Variants in EYS observed in about 807,000 individuals in gnomAD.
The protein encoded by EYS is EGF-like photoreceptor maintenance factor, also known as protein eyes shut homolog.
Under a neutral mutation model 282.1 loss-of-function variants are expected in EYS, and 250 were observed. The ratio of observed to expected loss-of-function variants is 0.89; its 90% confidence interval spans 0.80 to 0.98. The LOEUF (loss-of-function observed/expected upper bound fraction) is 0.98, where lower values mean the gene tolerates loss of function less well. Ranked by LOEUF, EYS falls within the 50% of genes least tolerant of loss-of-function variation. The pLI, the probability that EYS is intolerant of heterozygous loss-of-function variation, is 0.00. For synonymous variants in EYS, 1,355 were observed against 1,282.9 expected, an observed-to-expected ratio of 1.06 and a Z score of -1.20; for missense variants, 4,016 against 3,709.0, an observed-to-expected ratio of 1.08 and a Z score of -2.15.
intron 12 of EYS, among the ~76,000 whole-genome samples, chr6:65,273,730 C>T (rs555842379): frequency 6.6e-5 from 10 of 152,282 alleles, no homozygotes; most frequent in Middle Eastern, 3.4e-3. Context: ...CTATACGTTA[C>T]GTGACATATC....
chr6:64,679,765 C>A (rs1045520996), intron 22 of EYS, among the ~76,000 whole-genome samples: 1 of 151,934 alleles, frequency 6.6e-6, no homozygotes, highest in African/African-American at 2.4e-5. Flanking sequence ...ATTATTTTTT[C>A]TTTATTATGA....
intron 31 of EYS, among the ~76,000 whole-genome samples, chr6:64,150,502 C>A (rs61214581): frequency 1.3e-5 from 2 of 151,852 alleles, no homozygotes; most frequent in African/African-American, 2.4e-5. Context: ...AAATGTACTA[C>A]GAAATATTTT....
intron 1 of EYS, among the ~76,000 whole-genome samples, chr6:65,668,861 C>T (rs967622176): frequency 6.6e-6 from 1 of 151,886 alleles, no homozygotes; most frequent in African/African-American, 2.4e-5. Context: ...GTAGATTACG[C>T]TGCTTTAAGC....
chr6:64,523,997 G>T (rs1010522466), intron 26 of EYS, among the ~76,000 whole-genome samples: 14 of 151,426 alleles, frequency 9.2e-5, no homozygotes, highest in Admixed American at 1.3e-4. Context: ...CCAGTCTATG[G>T]TTTTACATTT....
At chr6:64,656,948 A>G (rs1768772548) in intron 22 of EYS, among the ~76,000 whole-genome samples, 1 of 152,262 alleles carries the variant, frequency 6.6e-6, no homozygotes, top group South Asian at 2.1e-4. Context: ...ATTTGCATCT[A>G]TTAAGATTAT....
intron 33 of EYS, among the ~76,000 whole-genome samples, chr6:64,036,556 A>G (rs1177196868): frequency 6.6e-6 from 1 of 152,168 alleles, no homozygotes; most frequent in Non-Finnish European, 1.5e-5. Flanking sequence ...AAGTAAGGAG[A>G]CCATTGAGGA....
intron 12 of EYS, among the ~76,000 whole-genome samples, chr6:65,263,738 T>TGG (rs1319308404): frequency 4.0e-5 from 6 of 150,766 alleles, no homozygotes; most frequent in Non-Finnish European, 7.4e-5. Flanking sequence ...TGTGTGTGTG[T>TGG]GTAATTTAAA....
chr6:65,298,331 C>T (rs1215521292), intron 11 of EYS, among the ~76,000 whole-genome samples: 1 of 151,966 alleles, frequency 6.6e-6, no homozygotes, highest in Non-Finnish European at 1.5e-5. Context: ...GCTGAAGTCT[C>T]TAATCTGAAC....
In EYS at chr6:65,457,138, TTTGTTGTTGTTG is replaced by T. The variant is rs143012118; in HGVS notation, c.862+33444_862+33455del. Among the ~76,000 whole-genome samples the T allele has an allele frequency of 3.3e-5, 5 of 151,556 alleles. No individual in the cohort carries two copies. The East Asian group carries it at 9.8e-4, about 30-fold the overall frequency. On this transcript the variant is annotated intron_variant, in intron 5 of 42. Transcript: ENST00000503581. ...GACTCTCCAAGGTTGTTTTCTCTCT[TTTGTTGTTGTTG>T]TTGTTGTTGTTGTGTTTTATTTATT... is the stretch of plus-strand genomic sequence containing the variant.
chr6:65,397,238 G>A (rs1766312200), intron 7 of EYS, among the ~76,000 whole-genome samples: 1 of 151,790 alleles, frequency 6.6e-6, no homozygotes, highest in South Asian at 2.1e-4. Flanking sequence ...GCAGTTTTTT[G>A]TTTGTTTGCT....
At chr6:65,459,968 T>TTATATATATATA (rs34762215) in intron 5 of EYS, among the ~76,000 whole-genome samples, 79 of 80,632 alleles carry the variant, frequency 9.8e-4, no homozygotes, top group East Asian at 1.4e-3. Context: ...TTTGTGTATT[T>TTATATATATATA]TATATATATA....
intron 2 of EYS, among the ~76,000 whole-genome samples, chr6:65,560,291 T>C (rs1768994122): frequency 7.0e-6 from 1 of 143,432 alleles, no homozygotes; most frequent in Admixed American, 7.2e-5. Flanking sequence ...ATTATTAATA[T>C]AACATATAAT....
At position 65,494,889 on chromosome 6, in the gene EYS, G is replaced by A. The variant is rs373343831; in HGVS notation, c.522C>T (p.Cys174=). The change falls in exon 4 of 43, where the codon TGC becomes TGT. Residue 174 remains cysteine, a synonymous_variant. Transcript: ENST00000503581. The part of the protein sequence containing the change: ...RLNVTVKQQF[C]QESLSSEFCS... ...AAAATTCTGAACTCAGAGATTCCTGGCAGAACTGCTGTTTCACTGTCACAT... is the reference window on the plus strand; with the variant it reads ...AAAATTCTGAACTCAGAGATTCCTGACAGAACTGCTGTTTCACTGTCACAT... 7.6e-5 allele frequency: 122 copies of A among 1,613,828 alleles called. No individual in the cohort carries two copies. Among genetic ancestry groups the A allele is most frequent in the Non-Finnish European group, 8.9e-5 (105 of 1,179,900 alleles).
At chr6:63,726,790 C>G (rs1052941266) in intron 41 of EYS, 110 bp from the exon 42 acceptor site, 1 of 1,004,980 alleles carries the variant, frequency 1.0e-6, no homozygotes, top group Non-Finnish European at 1.5e-6. Flanking sequence ...GGATTTATCG[C>G]CCAAGAGTTG....
chr6:64,855,565 C>T (rs920285142), intron 19 of EYS, among the ~76,000 whole-genome samples: 2 of 151,958 alleles, frequency 1.3e-5, no homozygotes, highest in African/African-American at 2.4e-5. Context: ...CATATTTTCT[C>T]CTATTATGAA....
At chr6:64,037,016 G>C (rs1183990435) in intron 33 of EYS, among the ~76,000 whole-genome samples, 4 of 152,138 alleles carry the variant, frequency 2.6e-5, no homozygotes, top group Non-Finnish European at 5.9e-5. Context: ...TGGAAATGTG[G>C]AGCCTCAGAT....
At chr6:65,545,876 C>T (rs957997952) in intron 2 of EYS, among the ~76,000 whole-genome samples, 1 of 151,992 alleles carries the variant, frequency 6.6e-6, no homozygotes, top group Non-Finnish European at 1.5e-5. Context: ...AGATTTGATG[C>T]TGATTGATGA....
At chr6:64,034,005 T>C (rs1354166406) in intron 33 of EYS, among the ~76,000 whole-genome samples, 1 of 152,140 alleles carries the variant, frequency 6.6e-6, no homozygotes, top group Non-Finnish European at 1.5e-5. Flanking sequence ...ACTGATTTAA[T>C]TAACATAAAT....
chr6:64,793,993 C>T (rs1774270080), intron 22 of EYS, among the ~76,000 whole-genome samples: 2 of 152,116 alleles, frequency 1.3e-5, no homozygotes, highest in African/African-American at 4.8e-5. Context: ...AGCAGCTCCC[C>T]ATTTTTTCCT....
Sources: allele counts gnomAD v4.1 joint callset (sites outside exome capture counted in the v4.1 genomes callset), GRCh38; gene constraint gnomAD v4.1.1; transcripts MANE v1.5; gene names NCBI Gene and HGNC (gene_info 2026-07-23, HGNC 2026-07-21).